Variants in GMDS observed in about 807,000 individuals in gnomAD.
GMDS encodes GDP-mannose 4,6 dehydratase.
GMDS carries 20 observed loss-of-function variants against 49.9 expected under a neutral mutation model. That is an observed-to-expected ratio of 0.40 (90% CI 0.28 to 0.58). The LOEUF is 0.58. Ranked by LOEUF, GMDS falls within the 20% of genes least tolerant of loss-of-function variation. The pLI, the probability that GMDS is intolerant of heterozygous loss-of-function variation, is 0.42. For synonymous variants in GMDS, 177 were observed against 178.6 expected (o/e 0.99, Z 0.07); for missense variants, 362 against 481.4 (o/e 0.75, Z 2.32).
At chr6:2,070,561 T>A (rs1771929912) in intron 4 of GMDS, among the ~76,000 whole-genome samples, 1 of 152,152 alleles carries the variant, frequency 6.6e-6, no homozygotes. Context: ...ATATATGAAC[T>A]GAAAACACTT....
chr6:2,113,298 C>G (rs888279024), intron 4 of GMDS, among the ~76,000 whole-genome samples: 41 of 152,082 alleles, frequency 2.7e-4, no homozygotes, highest in Non-Finnish European at 5.1e-4. Context: ...CTCCCACCCC[C>G]ATTTCTAGTG....
chr6:2,245,102 C>A (rs904144954), intron 1 of GMDS, among the ~76,000 whole-genome samples: 1 of 152,212 alleles, frequency 6.6e-6, no homozygotes, highest in Non-Finnish European at 1.5e-5. Flanking sequence ...ACGCTCACAG[C>A]CCCCAGAGAA....
At chr6:2,112,276 T>C (rs79050050) in intron 4 of GMDS, among the ~76,000 whole-genome samples, 2,428 of 152,332 alleles carry the variant, frequency 0.016, 60 homozygotes, top group African/African-American at 0.056. Context: ...AGACGTAGTT[T>C]TGGGCTTTAA....
At chr6:2,210,673 G>A (rs1780024363) in intron 1 of GMDS, among the ~76,000 whole-genome samples, 1 of 152,168 alleles carries the variant, frequency 6.6e-6, no homozygotes, top group African/African-American at 2.4e-5. Context: ...GACAGAGGTG[G>A]GCCATGGGCA....
At chr6:2,022,606 T>C (rs961260654) in intron 4 of GMDS, among the ~76,000 whole-genome samples, 3 of 152,180 alleles carry the variant, frequency 2.0e-5, no homozygotes, top group Non-Finnish European at 2.9e-5. Context: ...CATTTAACAG[T>C]ACAAAACTGA....
intron 3 of GMDS, among the ~76,000 whole-genome samples, chr6:2,117,142 G>A (rs960860844): frequency 5.3e-5 from 8 of 152,088 alleles, no homozygotes; most frequent in East Asian, 1.9e-4. Flanking sequence ...AAAGCGGGTC[G>A]GTGCACTGCC....
intron 1 of GMDS, among the ~76,000 whole-genome samples, chr6:2,208,344 T>C (rs946215009): frequency 2.0e-5 from 3 of 152,364 alleles, no homozygotes; most frequent in South Asian, 4.1e-4. Context: ...TGCAGTTAGC[T>C]TATCTACATT....
At chr6:2,199,829 T>C (rs1779428093) in intron 1 of GMDS, among the ~76,000 whole-genome samples, 1 of 152,196 alleles carries the variant, frequency 6.6e-6, no homozygotes, top group Non-Finnish European at 1.5e-5. Flanking sequence ...CAGCAGTACC[T>C]AGAAATAGTA....
intron 7 of GMDS, among the ~76,000 whole-genome samples, chr6:1,780,634 C>G (rs1340094146): frequency 2.0e-5 from 3 of 152,202 alleles, no homozygotes; most frequent in African/African-American, 7.2e-5. Flanking sequence ...CAGGAGCTGG[C>G]TCCCGCGCTG....
At chr6:1,903,952 G>A (rs184821856) in intron 7 of GMDS, among the ~76,000 whole-genome samples, 49 of 152,278 alleles carry the variant, frequency 3.2e-4, no homozygotes, top group African/African-American at 1.2e-3. Flanking sequence ...GCCAAGCTAT[G>A]ACATTTTGAC....
At chr6:1,776,542 T>A (rs1033918519) in intron 7 of GMDS, among the ~76,000 whole-genome samples, 4 of 150,146 alleles carry the variant, frequency 2.7e-5, no homozygotes, top group Non-Finnish European at 4.4e-5. Flanking sequence ...AAAAAAAAAA[T>A]TTAGCTGAGC....
intron 4 of GMDS, among the ~76,000 whole-genome samples, chr6:2,114,436 A>G (rs1774729494): frequency 6.6e-6 from 1 of 152,192 alleles, no homozygotes. Flanking sequence ...CCGCTTCTCT[A>G]TAGGAAAGAA....
chr6:1,715,253 T>C (rs185653254), intron 9 of GMDS, among the ~76,000 whole-genome samples: 1 of 152,342 alleles, frequency 6.6e-6, no homozygotes, highest in East Asian at 1.9e-4. Context: ...GAATCTCAAA[T>C]AGAAAGAGGA....
At chr6:1,733,807 G>A (rs1010638425) in intron 8 of GMDS, among the ~76,000 whole-genome samples, 7 of 151,954 alleles carry the variant, frequency 4.6e-5, no homozygotes, top group Middle Eastern at 3.4e-3. Context: ...AGCCGAGATC[G>A]TGCTACTGCA....
At chr6:1,657,231 C>T (rs1468390336) in intron 9 of GMDS, among the ~76,000 whole-genome samples, 1 of 152,226 alleles carries the variant, frequency 6.6e-6, no homozygotes, top group African/African-American at 2.4e-5. Context: ...GCTGGAATCT[C>T]TGTTTCAAGG....
At chr6:1,757,347 A>G (rs1767987389) in intron 7 of GMDS, among the ~76,000 whole-genome samples, 1 of 152,134 alleles carries the variant, frequency 6.6e-6, no homozygotes, top group Non-Finnish European at 1.5e-5. Context: ...GTGCCAAGCC[A>G]CCTACTTCAG....
At chr6:2,085,976 T>C (rs1004633882) in intron 4 of GMDS, among the ~76,000 whole-genome samples, 1 of 152,192 alleles carries the variant, frequency 6.6e-6, no homozygotes, top group Non-Finnish European at 1.5e-5. Flanking sequence ...AGGGATACAA[T>C]ACAGATTACA....
intron 1 of GMDS, among the ~76,000 whole-genome samples, chr6:2,146,046 G>T (rs1254204368): frequency 6.6e-6 from 1 of 152,174 alleles, no homozygotes; most frequent in East Asian, 1.9e-4. Flanking sequence ...GTAATCACAT[G>T]AAAGATCCTG....
chr6:1,716,494 A>G (rs558428035), intron 9 of GMDS, among the ~76,000 whole-genome samples: 9 of 152,350 alleles, frequency 5.9e-5, no homozygotes, highest in Middle Eastern at 3.4e-3. Context: ...CAAGAAAGAA[A>G]AAGGCAAGAA....
Sources: gnomAD v4.1 joint callset for allele counts (sites outside exome capture counted in the v4.1 genomes callset) on GRCh38, gnomAD v4.1.1 for gene constraint, MANE v1.5 for transcripts, NCBI Gene and HGNC (gene_info 2026-07-23, HGNC 2026-07-21) for gene names.